PALM: variants seen among roughly 807,000 people sequenced by gnomAD.
PALM encodes the protein paralemmin.
A neutral mutation model predicts 30.7 loss-of-function variants in PALM; 18 were observed. The observed-to-expected ratio is 0.59, with a 90% CI of 0.41 to 0.87. PALM has a LOEUF of 0.87. PALM is among the 40% of genes least tolerant of loss of function. PALM has a pLI of 0.00. For synonymous variants in PALM, 286 were observed against 242.8 expected, an observed-to-expected ratio of 1.18 and a Z score of -1.66; for missense variants, 529 against 555.4, an observed-to-expected ratio of 0.95 and a Z score of 0.48.
At position 740,476 on chromosome 19, in the gene PALM, G is replaced by T; in HGVS notation, c.627G>T (p.Glu209Asp). The change falls in exon 8 of 9, where the codon GAG becomes GAT. Residue 209 changes from glutamate (E) to aspartate (D), a missense_variant. Transcript: ENST00000338448. ...TGGGCATCAAAGTCTACGAGGACGA[G>T]ACCAAAGGTACGAGCACCCCGGCCC... ...LPLGIKVYEDETKVVHAVDGT... is the reference protein window; with the variant it reads ...LPLGIKVYEDDTKVVHAVDGT... The T allele has an allele frequency of 6.4e-7, 1 of 1,551,362 alleles. No individual in the cohort carries two copies. Among genetic ancestry groups the T allele is most frequent in the South Asian group, 1.2e-5 (1 of 84,026 alleles).
At chr19:738,892 G>T (rs947504223) in intron 7 of PALM, among the ~76,000 whole-genome samples, 1 of 152,206 alleles carries the variant, frequency 6.6e-6, no homozygotes, top group African/African-American at 2.4e-5. Flanking sequence ...GCTATCTGGG[G>T]GGTGTGCCAG....
chr19:723,205 G>A (rs8105822), intron 1 of PALM, among the ~76,000 whole-genome samples: 12,130 of 152,086 alleles, frequency 0.08, 718 homozygotes, highest in African/African-American at 0.16. Flanking sequence ...CCGTGTTTGC[G>A]TGGATGGGGA....
At chr19:719,155 C>T (rs918887195) in intron 1 of PALM, 3 of 985,314 alleles carry the variant, frequency 3.0e-6, no homozygotes, top group Admixed American at 6.1e-5. Context: ...GCTGGAGCTG[C>T]CCGGGCGTGG....
intron 1 of PALM, among the ~76,000 whole-genome samples, chr19:714,385 G>A (rs2032188594): frequency 7.7e-6 from 1 of 130,318 alleles, no homozygotes; most frequent in Non-Finnish European, 1.6e-5. Context: ...TTCAGATGGA[G>A]TCTCTCTCTG....
At chr19:713,138 T>C (rs1464112741) in intron 1 of PALM, among the ~76,000 whole-genome samples, 5 of 149,164 alleles carry the variant, frequency 3.4e-5, no homozygotes, top group Non-Finnish European at 7.4e-5. Flanking sequence ...CAGGGGAGGG[T>C]TTTTGGTACC....
At chr19:741,225 A>G (rs2033176641) in intron 8 of PALM, among the ~76,000 whole-genome samples, 1 of 152,150 alleles carries the variant, frequency 6.6e-6, no homozygotes, top group Non-Finnish European at 1.5e-5. Flanking sequence ...GAAGTCTCAC[A>G]GGGTGAGGAT....
intron 6 of PALM, chr19:734,929 T>G: frequency 6.0e-6 from 2 of 331,872 alleles, no homozygotes; most frequent in Non-Finnish European, 8.6e-6. Context: ...CTGGCCTGGT[T>G]TGTTGTGTGT....
chr19:733,680 T>A (rs554056904), intron 5 of PALM, among the ~76,000 whole-genome samples: 2 of 151,914 alleles, frequency 1.3e-5, no homozygotes, highest in African/African-American at 2.4e-5. Context: ...CGGGGGTATG[T>A]GGGGAGGGAG....
intron 5 of PALM, among the ~76,000 whole-genome samples, chr19:731,459 TGGG>T (rs765574923): frequency 2.0e-5 from 3 of 151,562 alleles, no homozygotes; most frequent in Admixed American, 6.6e-5. Flanking sequence ...ATCTGTAAGA[TGGG>T]GGAGTAATCA....
At chr19:715,476 C>T (rs1170911689) in intron 1 of PALM, among the ~76,000 whole-genome samples, 1 of 152,208 alleles carries the variant, frequency 6.6e-6, no homozygotes, top group Non-Finnish European at 1.5e-5. Flanking sequence ...TCATCCAGTC[C>T]ATCATGAACC....
At chr19:714,742 C>T (rs960324881) in intron 1 of PALM, among the ~76,000 whole-genome samples, 8 of 151,982 alleles carry the variant, frequency 5.3e-5, no homozygotes, top group African/African-American at 9.7e-5. Context: ...CTCCACGCCC[C>T]GGGCTCACGG....
At chr19:741,970 C>G (rs1368615358) in intron 8 of PALM, among the ~76,000 whole-genome samples, 2 of 152,214 alleles carry the variant, frequency 1.3e-5, no homozygotes, top group Non-Finnish European at 2.9e-5. Context: ...CCTCGGCCTC[C>G]CGAAATGCTG....
intron 1 of PALM, among the ~76,000 whole-genome samples, chr19:721,649 G>A (rs1313832117): frequency 1.3e-5 from 2 of 151,720 alleles, no homozygotes; most frequent in African/African-American, 4.8e-5. Flanking sequence ...CCAGGCTGGA[G>A]TGCAATGGTA....
At position 746,772 on chromosome 19, in the gene PALM, C is replaced by T. The variant is rs1041335634; in HGVS notation, c.1122C>T (p.Leu374=). The T allele has an allele frequency of 1.3e-5, 21 of 1,585,232 alleles. No individual in the cohort carries two copies. The highest frequency in any genetic ancestry group is 2.7e-5 in the African/African-American group (2 of 74,244). Residue 374 remains leucine, a synonymous_variant, in exon 9 of 9, where the codon CTC becomes CTT. Coordinates refer to ENST00000338448, the MANE Select transcript of PALM (RefSeq NM_002579.3). The surrounding 1 kb of genome is among the most constrained non-coding windows in gnomAD (Gnocchi z 7.1). ...CCACCACCAGCGACCCCCAGGACCT[C>T]GACATGAAGAAGCACCGTTGTAAAT... The part of the protein sequence containing the change: ...PEATTSDPQD[L]DMKKHRCKCC...
chr19:746,834 G>GCCCCCC lies in PALM; in HGVS notation c.*25_*26insCCCCCC. 7.0e-7 allele frequency: 1 copy of GCCCCCC among 1,436,746 alleles called. No individual in the cohort carries two copies. Among genetic ancestry groups the GCCCCCC allele is most frequent in the Non-Finnish European group, 9.3e-7 (1 of 1,074,028 alleles). The allele number at this position is 1,436,746 out of a possible 1,614,324, so 89.0% of individuals were successfully genotyped here. ...ATGTGAGCCGGCCCCCGAGACCCCGGCCCCCACCCCACACCACAGACACCC... is the reference window on the plus strand; with the variant it reads ...ATGTGAGCCGGCCCCCGAGACCCCGGCCCCCCCCCCCACCCCACACCACAGACACCC... On this transcript the variant is annotated 3_prime_UTR_variant, in exon 9 of 9. Transcript: ENST00000338448. The surrounding 1 kb of genome is among the most constrained non-coding windows in gnomAD (Gnocchi z 7.1).
intron 8 of PALM, 31 bp downstream of exon 8, chr19:740,514 C>T (rs771165655): frequency 6.5e-7 from 1 of 1,535,206 alleles, no homozygotes; most frequent in East Asian, 2.5e-5. Context: ...GCCCTCCCTC[C>T]ACCTGGGCCA....
At chr19:745,684 C>G (rs1248480680) in intron 8 of PALM, among the ~76,000 whole-genome samples, 2 of 57,340 alleles carry the variant, frequency 3.5e-5, no homozygotes, top group Non-Finnish European at 6.7e-5. Flanking sequence ...AGCTCCATCT[C>G]AGAAAAAAAA....
chr19:737,867 G>C (rs1019160163), intron 7 of PALM, among the ~76,000 whole-genome samples: 1 of 152,092 alleles, frequency 6.6e-6, no homozygotes, highest in Non-Finnish European at 1.5e-5. Context: ...GGCTTTTCCC[G>C]GGAGGGAGGC....
intron 1 of PALM, among the ~76,000 whole-genome samples, chr19:714,227 A>G (rs559416513): frequency 2.2e-4 from 32 of 144,506 alleles, no homozygotes; most frequent in African/African-American, 7.8e-4. Flanking sequence ...TTTAGTAGAG[A>G]CAGAGTTTCA....
Sources: gnomAD v4.1 joint callset for allele counts (sites outside exome capture counted in the v4.1 genomes callset) on GRCh38, gnomAD v4.1.1 for gene constraint, Gnocchi (gnomAD v3.1) non-coding constraint, MANE v1.5 for transcripts, NCBI Gene and HGNC (gene_info 2026-07-23, HGNC 2026-07-21) for gene names.